Variants in STX12 observed in about 807,000 individuals in gnomAD.
STX12 encodes the protein syntaxin-12.
STX12 carries 17 observed loss-of-function variants against 42.2 expected under a neutral mutation model. The observed-to-expected ratio is 0.40, with a 90% CI of 0.28 to 0.60. The LOEUF (loss-of-function observed/expected upper bound fraction) is 0.60. STX12 is among the 20% of genes least tolerant of loss of function. The probability of loss-of-function intolerance (pLI) is 0.39; values close to 1 mark genes in which losing one functional copy is unlikely to be tolerated. For synonymous variants in STX12, 108 were observed against 116.7 expected (o/e 0.93, Z 0.48); for missense variants, 297 against 330.9 (o/e 0.90, Z 0.79).
intron 2 of STX12, among the ~76,000 whole-genome samples, chr1:27,789,933 C>G (rs1436495085): frequency 6.6e-6 from 1 of 152,176 alleles, no homozygotes; most frequent in Non-Finnish European, 1.5e-5. Flanking sequence ...GCTCACAACT[C>G]TGCCTAAATG....
chr1:27,796,425 C>T (rs1172913156), intron 3 of STX12, among the ~76,000 whole-genome samples: 10 of 152,126 alleles, frequency 6.6e-5, no homozygotes, highest in Admixed American at 6.6e-4. Context: ...GTTATCCGGG[C>T]TGAGGCGCAG....
chr1:27,816,623 G>A (rs2088944513), intron 6 of STX12, among the ~76,000 whole-genome samples: 1 of 149,228 alleles, frequency 6.7e-6, no homozygotes, highest in East Asian at 2.0e-4. Flanking sequence ...GAGAGAGAAG[G>A]GAGGGAGGGA....
At chr1:27,775,020 A>G (rs2088620189) in intron 1 of STX12, among the ~76,000 whole-genome samples, 1 of 152,250 alleles carries the variant, frequency 6.6e-6, no homozygotes, top group African/African-American at 2.4e-5. Flanking sequence ...AAAAAAATTA[A>G]TATGACCACT....
At chr1:27,821,216 C>T (rs1047171060) in intron 8 of STX12, among the ~76,000 whole-genome samples, 1 of 151,238 alleles carries the variant, frequency 6.6e-6, no homozygotes, top group Non-Finnish European at 1.5e-5. Flanking sequence ...TTCCGTGTTC[C>T]TGGGATAGCT....
intron 1 of STX12, among the ~76,000 whole-genome samples, chr1:27,786,920 G>A (rs552766403): frequency 5.9e-5 from 9 of 152,258 alleles, no homozygotes; most frequent in Non-Finnish European, 1.2e-4. Context: ...CATACCACAT[G>A]TTAGTGATGA....
At chr1:27,797,550 T>C (rs1324855764) in intron 3 of STX12, among the ~76,000 whole-genome samples, 1 of 152,146 alleles carries the variant, frequency 6.6e-6, no homozygotes, top group Non-Finnish European at 1.5e-5. Flanking sequence ...CCTCGAATTA[T>C]TTCACTGTAT....
chr1:27,804,727 C>G (rs374349462), intron 4 of STX12, among the ~76,000 whole-genome samples: 56 of 151,908 alleles, frequency 3.7e-4, no homozygotes, highest in Middle Eastern at 6.8e-3. Context: ...AGGAGACTCG[C>G]TTCAACCCGG....
chr1:27,792,304 CTA>C (rs1317827964), intron 2 of STX12, among the ~76,000 whole-genome samples: 10 of 90,482 alleles, frequency 1.1e-4, no homozygotes, highest in African/African-American at 1.7e-4. Flanking sequence ...ATATATGTAT[CTA>C]TATATATGTA....
In STX12 at chr1:27,789,516, A is replaced by T. The variant is rs982787437; in HGVS notation, c.119-46A>T. 2.8e-6 allele frequency: 4 copies of T among 1,452,012 alleles called. No homozygotes were observed. In the African/African-American group the frequency reaches 5.6e-5, roughly 20 times the overall value. 89.9% of individuals were successfully genotyped at this position (1,452,012 alleles called of 1,614,324 possible). On this transcript the variant is annotated intron_variant, in intron 1 of 8. Coordinates refer to ENST00000373943, the MANE Select transcript of STX12 (RefSeq NM_177424.3). ...TCTTAGAAGTAGGGTACTCATGATG[A>T]ATGTATTTTTCTTTTAAATAAATCT...
chr1:27,803,722 G>A (rs561883363), intron 4 of STX12, among the ~76,000 whole-genome samples: 3 of 152,246 alleles, frequency 2.0e-5, no homozygotes, highest in South Asian at 2.1e-4. Flanking sequence ...TAAAGAATTC[G>A]GCCAGGCGTG....
At chr1:27,821,859 A>G (rs2088986612) in intron 8 of STX12, among the ~76,000 whole-genome samples, 1 of 152,158 alleles carries the variant, frequency 6.6e-6, no homozygotes, top group South Asian at 2.1e-4. Context: ...CTCTACTAAA[A>G]ATACAAAAAC....
chr1:27,790,193 TG>T (rs2088729789), intron 2 of STX12, among the ~76,000 whole-genome samples: 1 of 152,256 alleles, frequency 6.6e-6, no homozygotes, highest in African/African-American at 2.4e-5. Flanking sequence ...TAGTTCCTTC[TG>T]GTGGGTTCTT....
chr1:27,819,617 G>A, intron 7 of STX12, 33 bp from the exon 8 acceptor site: 4 of 1,591,180 alleles, frequency 2.5e-6, no homozygotes, highest in South Asian at 2.2e-5. Context: ...ACATCTGAGT[G>A]TGTTAAAACA....
chr1:27,811,678 T>G (rs934827407), intron 5 of STX12, among the ~76,000 whole-genome samples: 1 of 151,748 alleles, frequency 6.6e-6, no homozygotes, highest in Non-Finnish European at 1.5e-5. Flanking sequence ...CCAAGGAAAT[T>G]TTGGAAAACT....
intron 7 of STX12, among the ~76,000 whole-genome samples, chr1:27,819,065 C>G (rs2088964255): frequency 6.6e-6 from 1 of 151,938 alleles, no homozygotes; most frequent in Non-Finnish European, 1.5e-5. Context: ...CACTTGAAGC[C>G]AGGAGTTCAA....
At chr1:27,818,496 A>G (rs2148608408) in intron 7 of STX12, among the ~76,000 whole-genome samples, 1 of 152,272 alleles carries the variant, frequency 6.6e-6, no homozygotes, top group Middle Eastern at 3.4e-3. Context: ...TTTTTATGTT[A>G]TCAAATGTAG....
At chr1:27,780,129 C>T (rs1369053048) in intron 1 of STX12, among the ~76,000 whole-genome samples, 1 of 151,890 alleles carries the variant, frequency 6.6e-6, no homozygotes, top group African/African-American at 2.4e-5. Flanking sequence ...TCTCTCCCTA[C>T]CTCATTGGCT....
chr1:27,821,130 C>T (rs1571535769), intron 8 of STX12, among the ~76,000 whole-genome samples: 1 of 149,682 alleles, frequency 6.7e-6, no homozygotes, highest in Non-Finnish European at 1.5e-5. Flanking sequence ...AACTAACCTG[C>T]ACATTGTGCA....
At chr1:27,818,335 T>C (rs908532770) in intron 7 of STX12, among the ~76,000 whole-genome samples, 1 of 151,664 alleles carries the variant, frequency 6.6e-6, no homozygotes, top group Non-Finnish European at 1.5e-5. Context: ...GAGCCGAGAT[T>C]GCGCCACTGT....
Sources: allele counts gnomAD v4.1 joint callset (sites outside exome capture counted in the v4.1 genomes callset), GRCh38; gene constraint gnomAD v4.1.1; transcripts MANE v1.5; gene names NCBI Gene and HGNC (gene_info 2026-07-23, HGNC 2026-07-21).